Variants in FBXO34 observed in about 807,000 individuals in gnomAD.
FBXO34 encodes F-box only protein 34.
In FBXO34, 12 loss-of-function variants were observed where a neutral mutation model predicts 24.5. The observed-to-expected ratio is 0.49, with a 90% CI of 0.31 to 0.79. The LOEUF (loss-of-function observed/expected upper bound fraction) is 0.79, where lower values mean the gene tolerates loss of function less well. Among genes scored for constraint, FBXO34 ranks in the 30% least tolerant of loss-of-function variants. FBXO34 has a pLI of 0.04. For missense variants in FBXO34, 823 were observed against 857.7 expected (o/e 0.96, Z 0.51); for synonymous variants, 320 against 311.9 (o/e 1.03, Z -0.27).
intron 1 of FBXO34, among the ~76,000 whole-genome samples, chr14:55,299,499 A>C (rs1042765787): frequency 6.6e-6 from 1 of 152,160 alleles, no homozygotes; most frequent in Non-Finnish European, 1.5e-5. Context: ...AAATCCAAAA[A>C]AAAAGCAAAT....
At chr14:55,357,716 T>G (rs952211850), downstream of FBXO34, among the ~76,000 whole-genome samples, 1 of 152,178 alleles carries the variant, frequency 6.6e-6, no homozygotes, top group African/African-American at 2.4e-5. Context: ...AGGAGGCTGA[T>G]GCAGGAGGAC....
rs564896812 is a variant in FBXO34, at chr14:55,302,816, C to G, written c.-11+31279C>G. 5.3e-5 allele frequency among the ~76,000 whole-genome samples: 8 copies of G among 152,156 alleles called. No individual in the cohort carries two copies. The South Asian group carries it at 1.7e-3, about 32-fold the overall frequency. On this transcript the variant is annotated intron_variant, in intron 1 of 1. Transcript: ENST00000313833. ...AAAGACTAAGAAATTCTGTTTTCTT[C>G]TTTGGAAAATCTTTTAAAAACTAAT...
At chr14:55,274,904 TTGTTAGGTCATGTG>T (rs1261109193) in intron 1 of FBXO34, among the ~76,000 whole-genome samples, 1 of 152,232 alleles carries the variant, frequency 6.6e-6, no homozygotes, top group Non-Finnish European at 1.5e-5. Flanking sequence ...AATGCCTTCC[TTGTTAGGTCATGTG>T]TGACAAAGGC....
chr14:55,276,778 A>G (rs543491093), intron 1 of FBXO34, among the ~76,000 whole-genome samples: 3 of 152,370 alleles, frequency 2.0e-5, no homozygotes, highest in African/African-American at 7.2e-5. Context: ...GGCTTTGGGC[A>G]TTATCAATCA....
rs1282557232 is a variant in FBXO34 at position 55,285,428 on chromosome 14, A to G, written c.-11+13891A>G. 2.6e-5 allele frequency: 4 copies of G among 152,198 alleles called. No individual in the cohort carries two copies. The East Asian group carries it at 7.7e-4, about 29-fold the overall frequency. The allele number at this position is 152,198 out of a possible 1,614,324, so 9.4% of individuals were successfully genotyped here. ...GAGTCGAGGAACAGCATGTTACCTAAGGTGGGGTGAAGGGAGGTTTCCAGG... is the reference window on the plus strand; with the variant it reads ...GAGTCGAGGAACAGCATGTTACCTAGGGTGGGGTGAAGGGAGGTTTCCAGG... On this transcript the variant is annotated intron_variant, in intron 1 of 1. Transcript: ENST00000313833.
the FBXO34 span, chr14:55,381,888 T>C: frequency 7.7e-7 from 1 of 1,299,456 alleles, no homozygotes; most frequent in East Asian, 2.3e-5. Flanking sequence ...ACTTGAAAGC[T>C]CTTCATTTTG....
intron 1 of FBXO34, among the ~76,000 whole-genome samples, chr14:55,346,896 T>C (rs1884177656): frequency 6.6e-6 from 1 of 152,176 alleles, no homozygotes; most frequent in Non-Finnish European, 1.5e-5. Flanking sequence ...TGTTGGGCAG[T>C]TCCACCTTAC....
chr14:55,355,484 C>A (rs890579439), downstream of FBXO34, among the ~76,000 whole-genome samples: 43 of 152,192 alleles, frequency 2.8e-4, no homozygotes, highest in Non-Finnish European at 5.9e-4. Flanking sequence ...ATTCAACCAG[C>A]CTCAGATTTA....
chr14:55,392,648 CAAAA>C, the FBXO34 span, among the ~76,000 whole-genome samples: 1 of 51,888 alleles, frequency 1.9e-5, no homozygotes. Context: ...GACTCCACCT[CAAAA>C]AAAAAAAAAA....
chr14:55,424,209 T>G, the FBXO34 span: 1 of 1,613,506 alleles, frequency 6.2e-7, no homozygotes, highest in Admixed American at 1.7e-5. Context: ...AATTCGTGGT[T>G]TTACCATTCT....
chr14:55,369,456 G>A (rs2140114375), downstream of FBXO34: 1 of 639,162 alleles, frequency 1.6e-6, no homozygotes, highest in Non-Finnish European at 2.4e-6. Flanking sequence ...AGGCCACTTG[G>A]CAAATAGAAA....
At chr14:55,421,126 C>A in the FBXO34 span, among the ~76,000 whole-genome samples, 2 of 150,580 alleles carry the variant, frequency 1.3e-5, no homozygotes, top group South Asian at 2.1e-4. Flanking sequence ...GAATTAAGGG[C>A]ATTTAAAGAA....
the FBXO34 span, chr14:55,433,633 T>C: frequency 6.8e-6 from 11 of 1,613,892 alleles, no homozygotes; most frequent in East Asian, 8.9e-5. Context: ...CTCATACCTT[T>C]TGGCTCCCGT....
chr14:55,327,831 G>A (rs145453560), intron 1 of FBXO34, among the ~76,000 whole-genome samples: 2,342 of 148,428 alleles, frequency 0.016, 37 homozygotes, highest in Non-Finnish European at 0.022. Flanking sequence ...TTTTTCATTC[G>A]CAATTTTATG....
chr14:55,433,133 TA>T, the FBXO34 span, among the ~76,000 whole-genome samples: 5 of 151,986 alleles, frequency 3.3e-5, no homozygotes, highest in Admixed American at 2.0e-4. Flanking sequence ...AGTATTTTAT[TA>T]TTTTTTTTAA....
chr14:55,399,353 G>A, the FBXO34 span, among the ~76,000 whole-genome samples: 2 of 152,294 alleles, frequency 1.3e-5, no homozygotes, highest in Non-Finnish European at 1.5e-5. Flanking sequence ...TTACCGGATG[G>A]TGTACATACA....
At chr14:55,405,249 G>T in the FBXO34 span, among the ~76,000 whole-genome samples, 1 of 152,160 alleles carries the variant, frequency 6.6e-6, no homozygotes, top group African/African-American at 2.4e-5. Context: ...TATACTGAAG[G>T]GAGAACAGAA....
chr14:55,437,556 C>T, the FBXO34 span, among the ~76,000 whole-genome samples: 1 of 152,210 alleles, frequency 6.6e-6, no homozygotes, highest in African/African-American at 2.4e-5. Flanking sequence ...AAGCATTCTT[C>T]ATAAACTATC....
chr14:55,274,701 C>A (rs998068633), intron 1 of FBXO34, among the ~76,000 whole-genome samples: 3 of 149,736 alleles, frequency 2.0e-5, no homozygotes, highest in Admixed American at 6.6e-5. Flanking sequence ...AAAATTTTTA[C>A]TTTATTTTTT....
Sources: allele counts gnomAD v4.1 joint callset (sites outside exome capture counted in the v4.1 genomes callset), GRCh38; gene constraint gnomAD v4.1.1; transcripts MANE v1.5; gene names NCBI Gene and HGNC (gene_info 2026-07-23, HGNC 2026-07-21).